Variants in SYNPR observed in about 807,000 individuals in gnomAD.
The protein encoded by SYNPR is synaptoporin.
In SYNPR, 23 loss-of-function variants were observed where a neutral mutation model predicts 32.9. That is an observed-to-expected ratio of 0.70 (90% CI 0.50 to 0.99). The LOEUF (loss-of-function observed/expected upper bound fraction) is 0.99, where lower values mean the gene tolerates loss of function less well. SYNPR is among the 50% of genes least tolerant of loss of function. SYNPR has a pLI of 0.00. For missense variants in SYNPR, 318 were observed against 349.3 expected (o/e 0.91, Z 0.71); for synonymous variants, 146 against 135.9 (o/e 1.07, Z -0.52).
At chr3:63,403,078 A>G (rs979862738) in intron 2 of SYNPR, among the ~76,000 whole-genome samples, 1 of 152,200 alleles carries the variant, frequency 6.6e-6, no homozygotes, top group African/African-American at 2.4e-5. Context: ...TCAATAGTTT[A>G]CTTCTTCCCG....
At chr3:63,204,210 C>T in the SYNPR span, among the ~76,000 whole-genome samples, 2 of 152,134 alleles carry the variant, frequency 1.3e-5, no homozygotes, top group East Asian at 1.9e-4. Flanking sequence ...AAATGTATTT[C>T]CTCACAATTG....
intron 3 of SYNPR, among the ~76,000 whole-genome samples, chr3:63,510,014 A>G (rs1575683256): frequency 6.6e-6 from 1 of 151,896 alleles, no homozygotes; most frequent in Admixed American, 6.6e-5. Flanking sequence ...TAACCAGAAA[A>G]TATCATTCTA....
intron 3 of SYNPR, among the ~76,000 whole-genome samples, chr3:63,521,320 T>G (rs1300681528): frequency 6.6e-6 from 1 of 152,184 alleles, no homozygotes; most frequent in Non-Finnish European, 1.5e-5. Context: ...GATCAAAAAA[T>G]TTGAGAACCA....
intron 2 of SYNPR, 129 bp from the exon 3 acceptor site, chr3:63,480,703 A>G: frequency 8.1e-7 from 1 of 1,230,744 alleles, no homozygotes; most frequent in East Asian, 2.5e-5. Context: ...CAGCTGAACC[A>G]AGGGCAATGC....
chr3:63,233,039 T>C (rs1234252104), intron 1 of SYNPR, among the ~76,000 whole-genome samples: 1 of 152,114 alleles, frequency 6.6e-6, no homozygotes, highest in Non-Finnish European at 1.5e-5. Flanking sequence ...AGATCTTTTG[T>C]TCACAGGACA....
At chr3:63,494,450 C>CATAT (rs1286322808) in intron 3 of SYNPR, among the ~76,000 whole-genome samples, 1,851 of 84,156 alleles carry the variant, frequency 0.022, 45 homozygotes, top group Middle Eastern at 0.035. Flanking sequence ...TATATATACA[C>CATAT]ATATATATAC....
At chr3:63,364,358 T>C (rs1207942711) in intron 2 of SYNPR, among the ~76,000 whole-genome samples, 2 of 152,212 alleles carry the variant, frequency 1.3e-5, no homozygotes, top group African/African-American at 4.8e-5. Context: ...GTTCAGGAGC[T>C]TAATGTCAAT....
At chr3:63,518,686 C>A (rs1701845408) in intron 3 of SYNPR, among the ~76,000 whole-genome samples, 1 of 152,094 alleles carries the variant, frequency 6.6e-6, no homozygotes, top group Non-Finnish European at 1.5e-5. Flanking sequence ...GATTTTATAC[C>A]TGGCACAGTT....
intron 3 of SYNPR, among the ~76,000 whole-genome samples, chr3:63,553,961 T>C (rs940022669): frequency 2.0e-5 from 3 of 152,156 alleles, no homozygotes; most frequent in African/African-American, 4.8e-5. Context: ...CCTCAGGTGA[T>C]CCACCCCGTC....
At position 63,615,521 on chromosome 3, in the gene SYNPR, C is replaced by A. The variant is rs2106912718; in HGVS notation, c.*40C>A. 6.3e-7 allele frequency: 1 copy of A among 1,580,400 alleles called. No individual in the cohort carries two copies. The highest frequency in any genetic ancestry group is 8.6e-7 in the Non-Finnish European group (1 of 1,163,990). On this transcript the variant is annotated 3_prime_UTR_variant, in exon 6 of 6. Transcript: ENST00000478300. The stretch of plus-strand genomic sequence containing the variant: ...CATTCTTCTGCAGTCGCCTCACCAT[C>A]TTCCATTTCAGTGGCAGAAGAATTT...
chr3:63,455,131 T>C (rs1700458080), intron 2 of SYNPR, among the ~76,000 whole-genome samples: 1 of 152,162 alleles, frequency 6.6e-6, no homozygotes, highest in Admixed American at 6.6e-5. Context: ...ACCAGCTAAG[T>C]GTCCAATAGG....
At chr3:63,583,767 G>A (rs1001030683) in intron 4 of SYNPR, among the ~76,000 whole-genome samples, 8 of 152,156 alleles carry the variant, frequency 5.3e-5, no homozygotes, top group Non-Finnish European at 8.8e-5. Flanking sequence ...AGGATTCCCT[G>A]TTGTTAAGTC....
chr3:63,349,669 A>G (rs2087480475), intron 2 of SYNPR, among the ~76,000 whole-genome samples: 1 of 152,110 alleles, frequency 6.6e-6, no homozygotes, highest in African/African-American at 2.4e-5. Context: ...GCATCCTGAC[A>G]CTTTACTGAA....
chr3:63,556,056 G>T (rs1326046553), intron 3 of SYNPR, among the ~76,000 whole-genome samples: 1 of 152,184 alleles, frequency 6.6e-6, no homozygotes, highest in Non-Finnish European at 1.5e-5. Context: ...TAGGAAAAGA[G>T]AACAGTCAAC....
chr3:63,523,417 G>A (rs1489239393), intron 3 of SYNPR, among the ~76,000 whole-genome samples: 1 of 152,148 alleles, frequency 6.6e-6, no homozygotes, highest in Non-Finnish European at 1.5e-5. Flanking sequence ...CCAGTTGGCT[G>A]CATTCTTTGA....
At chr3:63,451,258 G>A (rs1343971995) in intron 2 of SYNPR, among the ~76,000 whole-genome samples, 2 of 152,114 alleles carry the variant, frequency 1.3e-5, no homozygotes, top group African/African-American at 4.8e-5. Context: ...TTTGCTATCA[G>A]TTTTCATTCC....
chr3:63,563,435 CTTTG>C (rs1215769953), intron 4 of SYNPR, among the ~76,000 whole-genome samples: 1 of 152,154 alleles, frequency 6.6e-6, no homozygotes, highest in Non-Finnish European at 1.5e-5. Flanking sequence ...CCAGCTACAC[CTTTG>C]TTTGAGTATA....
intron 2 of SYNPR, among the ~76,000 whole-genome samples, chr3:63,440,970 C>A (rs1345797861): frequency 6.6e-6 from 1 of 152,172 alleles, no homozygotes; most frequent in Non-Finnish European, 1.5e-5. Flanking sequence ...AGGGTCCATG[C>A]ATCCAAATGT....
intron 3 of SYNPR, among the ~76,000 whole-genome samples, chr3:63,269,082 A>G (rs75853527): frequency 0.015 from 2,226 of 152,366 alleles, 46 homozygotes; most frequent in African/African-American, 0.05. Context: ...TCCTAATAAC[A>G]TAAGTATATA....
Sources: allele counts gnomAD v4.1 joint callset (sites outside exome capture counted in the v4.1 genomes callset), GRCh38; gene constraint gnomAD v4.1.1; transcripts MANE v1.5; gene names NCBI Gene and HGNC (gene_info 2026-07-23, HGNC 2026-07-21).